EGFLAM: variants seen among roughly 807,000 people sequenced by gnomAD.
The protein encoded by EGFLAM is EGF like, fibronectin type III and laminin G domains.
EGFLAM carries 79 observed loss-of-function variants against 113.1 expected under a neutral mutation model. The ratio of observed to expected loss-of-function variants is 0.70; its 90% CI spans 0.58 to 0.84. EGFLAM has a LOEUF of 0.84. Among genes scored for constraint, EGFLAM ranks in the 40% least tolerant of loss-of-function variants. The pLI, the probability that EGFLAM is intolerant of heterozygous loss-of-function variation, is 0.00. For synonymous variants in EGFLAM, 504 were observed against 487.6 expected (o/e 1.03, Z -0.44); for missense variants, 1,265 against 1,291.6 (o/e 0.98, Z 0.32).
chr5:38,403,675 G>T (rs563364909), intron 6 of EGFLAM: 3 of 1,203,758 alleles, frequency 2.5e-6, no homozygotes, highest in Non-Finnish European at 3.4e-6. Context: ...CAGAACTTAT[G>T]AATTGTTTAT....
chr5:38,403,810 C>A (rs769488550), intron 6 of EGFLAM: 14 of 1,612,864 alleles, frequency 8.7e-6, no homozygotes, highest in Non-Finnish European at 1.1e-5. Context: ...GAGGAAGGAG[C>A]TGTCCTCAAG....
chr5:38,319,418 G>A (rs1450813723), intron 1 of EGFLAM, among the ~76,000 whole-genome samples: 1 of 152,222 alleles, frequency 6.6e-6, no homozygotes, highest in African/African-American at 2.4e-5. Context: ...GATTTATTCA[G>A]TCAGCCATTT....
At position 38,424,999 on chromosome 5, in the gene EGFLAM, T is replaced by G. The variant is rs1402823839; in HGVS notation, c.1717T>G (p.Ser573Ala). The stretch of plus-strand genomic sequence containing the variant: ...CAGCAGTGGAATCTGTGATGAGGCC[T>G]CGTGCATCCATGGTGGCACCTGCAC... ...ECSSGICDEA[S>A]CIHGGTCTAI... Residue 573 changes from serine (S) to alanine (A), a missense_variant, in exon 13 of 22, where the codon TCG becomes GCG. Transcript: ENST00000322350. 6.2e-7 allele frequency: 1 copy of G among 1,614,098 alleles called. No individual in the cohort carries two copies. Among genetic ancestry groups the G allele is most frequent in the Non-Finnish European group, 8.5e-7 (1 of 1,179,966 alleles).
At chr5:38,371,332 A>G (rs1740206599) in intron 6 of EGFLAM, among the ~76,000 whole-genome samples, 1 of 152,160 alleles carries the variant, frequency 6.6e-6, no homozygotes. Flanking sequence ...GCTGTCAGAA[A>G]GGAAGCAGCA....
At chr5:38,425,471 C>G (rs1741972678) in intron 13 of EGFLAM, among the ~76,000 whole-genome samples, 1 of 152,146 alleles carries the variant, frequency 6.6e-6, no homozygotes, top group Non-Finnish European at 1.5e-5. Context: ...CAGGCCTCAT[C>G]AATGTACTTT....
intron 4 of EGFLAM, 26 bp downstream of exon 4, chr5:38,350,644 A>G (rs1323508661): frequency 6.2e-7 from 1 of 1,602,058 alleles, no homozygotes; most frequent in Non-Finnish European, 8.5e-7. Flanking sequence ...ATTCATTAAT[A>G]GGTGGCAGGC....
intron 3 of EGFLAM, among the ~76,000 whole-genome samples, chr5:38,342,411 AAGATAGGACCGATTACCTTAAAAGGT>A (rs1561285542): frequency 6.6e-6 from 1 of 152,208 alleles, no homozygotes; most frequent in Non-Finnish European, 1.5e-5. Flanking sequence ...TGTTTTCAGT[AAGATAGGACCGATTACCTTAAAAGGT>A]AGATTTGGTT....
At chr5:38,412,710 G>C in intron 11 of EGFLAM, 62 bp downstream of exon 11, 1 of 1,581,024 alleles carries the variant, frequency 6.3e-7, no homozygotes, top group Non-Finnish European at 8.6e-7. Context: ...CTCCTGAGAA[G>C]GGCTTACTGC....
intron 6 of EGFLAM, among the ~76,000 whole-genome samples, chr5:38,373,666 A>G (rs376224459): frequency 0.029 from 4,343 of 152,252 alleles, 84 homozygotes; most frequent in Middle Eastern, 0.051. Flanking sequence ...TCAACTTTTG[A>G]TAGATACTTA....
rs1272516725 is a variant in EGFLAM, at chr5:38,344,399, T to A, written c.291+5618T>A. Among the ~76,000 whole-genome samples, 5 of 150,606 alleles carry A rather than the reference T, an allele frequency of 3.3e-5. No individual in the cohort carries two copies. In the Admixed American group the frequency reaches 3.3e-4, roughly 10 times the overall value. On this transcript the variant is annotated intron_variant, in intron 3 of 21. Coordinates refer to ENST00000322350, the MANE Select transcript of EGFLAM (RefSeq NM_152403.4). Reference sequence around the variant, plus strand: ...TACTCAGGAGGCTGAGGCAAGAGAATCACTTGAACCTGGGAGGCAGTTGCA... The same window carrying A: ...TACTCAGGAGGCTGAGGCAAGAGAAACACTTGAACCTGGGAGGCAGTTGCA...
At chr5:38,453,314 G>A (rs1742981518) in intron 19 of EGFLAM, among the ~76,000 whole-genome samples, 2 of 152,200 alleles carry the variant, frequency 1.3e-5, no homozygotes, top group African/African-American at 2.4e-5. Context: ...AATTGAAATA[G>A]ACAAAGCAGG....
chr5:38,431,141 G>A lies in EGFLAM; in HGVS notation c.2055-36G>A, dbSNP rs780488431. The A allele has an allele frequency of 2.8e-5, 45 of 1,589,280 alleles. No homozygotes were observed. The Admixed American group carries it at 4.0e-4, about 14-fold the overall frequency. On this transcript the variant is annotated intron_variant, in intron 14 of 21. Coordinates refer to ENST00000322350, the MANE Select transcript of EGFLAM (RefSeq NM_152403.4). The stretch of plus-strand genomic sequence containing the variant: ...GGGCATTCCTTATCCTAATCAACTC[G>A]ATACATAAAAATAATATCACATCTT...
intron 17 of EGFLAM, among the ~76,000 whole-genome samples, chr5:38,442,066 T>C (rs1742554215): frequency 6.6e-6 from 1 of 152,188 alleles, no homozygotes; most frequent in African/African-American, 2.4e-5. Context: ...ATTTAGGGCA[T>C]TTATGTTGTG....
chr5:38,391,548 A>G (rs780328569), intron 6 of EGFLAM, among the ~76,000 whole-genome samples: 1 of 151,462 alleles, frequency 6.6e-6, no homozygotes, highest in Non-Finnish European at 1.5e-5. Context: ...ACAGGCGCCT[A>G]CTACCACGTC....
At chr5:38,329,025 T>G (rs56174630) in intron 1 of EGFLAM, among the ~76,000 whole-genome samples, 23,353 of 152,082 alleles carry the variant, frequency 0.15, 2,174 homozygotes, top group African/African-American at 0.25. Flanking sequence ...CAGTGGCTCA[T>G]GCCGTAATCC....
At chr5:38,340,726 A>C (rs1739976251) in intron 3 of EGFLAM, among the ~76,000 whole-genome samples, 2 of 152,080 alleles carry the variant, frequency 1.3e-5, no homozygotes, top group African/African-American at 2.4e-5. Context: ...AGGCAGACTC[A>C]AGGGAGGGAC....
At chr5:38,345,477 T>C (rs1739450968) in intron 3 of EGFLAM, 1 of 152,180 alleles carries the variant, frequency 6.6e-6, no homozygotes, top group Non-Finnish European at 1.5e-5. Context: ...ACTGCTCGCA[T>C]AAAGCCACCA....
chr5:38,423,094 C>A (rs1273310158), intron 12 of EGFLAM, among the ~76,000 whole-genome samples: 1 of 152,172 alleles, frequency 6.6e-6, no homozygotes, highest in East Asian at 1.9e-4. Context: ...TCTCCCTTTG[C>A]TTTGCAGAAG....
At position 38,312,491 on chromosome 5, in the gene EGFLAM, C is replaced by T. The variant is rs535909666; in HGVS notation, c.98-25029C>T. ...TGCTGACCTCGTGATCCGCCCGCCT[C>T]GGCCTCCCAAAGTCCTGGGATTACA... is the stretch of plus-strand genomic sequence containing the variant. On this transcript the variant is annotated intron_variant, in intron 1 of 21. Coordinates refer to ENST00000322350, the MANE Select transcript of EGFLAM (RefSeq NM_152403.4). 2.6e-5 allele frequency among the ~76,000 whole-genome samples: 4 copies of T among 152,234 alleles called. No homozygotes were observed. The South Asian group carries it at 6.2e-4, about 24-fold the overall frequency.
Sources: allele counts gnomAD v4.1 joint callset (sites outside exome capture counted in the v4.1 genomes callset), GRCh38; gene constraint gnomAD v4.1.1; transcripts MANE v1.5; gene names NCBI Gene and HGNC (gene_info 2026-07-23, HGNC 2026-07-21).